The following DNAJC13 variants were observed in gnomAD, a reference collection of about 807,000 sequenced individuals.
DNAJC13 encodes the protein dnaJ homolog subfamily C member 13.
A neutral mutation model predicts 290.5 loss-of-function variants in DNAJC13; 75 were observed. The observed-to-expected ratio is 0.26, with a 90% CI of 0.21 to 0.31. The LOEUF (loss-of-function observed/expected upper bound fraction) is 0.31, where lower values mean the gene tolerates loss of function less well. DNAJC13 is among the 10% of genes least tolerant of loss of function. The pLI, the probability that DNAJC13 is intolerant of heterozygous loss-of-function variation, is 1.00. For missense variants in DNAJC13, 2,260 were observed against 2,674.5 expected (o/e 0.85, Z 3.42); for synonymous variants, 862 against 892.0 (o/e 0.97, Z 0.60).
intron 48 of DNAJC13, among the ~76,000 whole-genome samples, chr3:132,518,863 C>G (rs1021656282): frequency 4.6e-5 from 7 of 152,186 alleles, no homozygotes; most frequent in African/African-American, 1.7e-4. Context: ...TTCCTTTCCC[C>G]TAGCACCTGA....
intron 34 of DNAJC13, 121 bp from the exon 35 acceptor site, chr3:132,494,967 C>A: frequency 1.8e-6 from 1 of 557,560 alleles, no homozygotes; most frequent in African/African-American, 1.9e-5. Flanking sequence ...AATTTGAAGC[C>A]TAATATATAA....
At chr3:132,508,689 G>A (rs1371056194) in intron 43 of DNAJC13, among the ~76,000 whole-genome samples, 3 of 152,108 alleles carry the variant, frequency 2.0e-5, no homozygotes, top group African/African-American at 7.2e-5. Context: ...TCAGTACCTG[G>A]GTGACAGTCA....
Position 132,489,030 on chromosome 3 carries a change from G to A in DNAJC13, c.3468+9G>A. On this transcript the variant is annotated intron_variant, in intron 31 of 55. Coordinates refer to ENST00000260818, the MANE Select transcript of DNAJC13 (RefSeq NM_015268.4). ...CTTTCAAGTCAGAAGAGGTAAGCCA[G>A]GTTAATCCTCTGAATACTTAACCCT... The A allele has an allele frequency of 6.2e-7, 1 of 1,609,182 alleles. No individual in the cohort carries two copies. The highest frequency in any genetic ancestry group is 8.5e-7 in the Non-Finnish European group (1 of 1,176,146).
intron 1 of DNAJC13, among the ~76,000 whole-genome samples, chr3:132,419,892 CCTT>C (rs1359132046): frequency 3.3e-5 from 5 of 152,168 alleles, no homozygotes; most frequent in African/African-American, 4.8e-5. Context: ...ATTAGTAACA[CCTT>C]CTTTGCTATC....
chr3:132,529,637 A>G (rs1936355962), intron 54 of DNAJC13, among the ~76,000 whole-genome samples: 1 of 152,128 alleles, frequency 6.6e-6, no homozygotes, highest in South Asian at 2.1e-4. Context: ...AATACAAAAA[A>G]TTAGCCAGGC....
chr3:132,425,468 C>T (rs1939065797), intron 1 of DNAJC13, among the ~76,000 whole-genome samples: 1 of 152,184 alleles, frequency 6.6e-6, no homozygotes, highest in Admixed American at 6.5e-5. Context: ...TTTACATTAA[C>T]ATTTTACTGT....
intron 48 of DNAJC13, among the ~76,000 whole-genome samples, chr3:132,522,339 A>G (rs560136084): frequency 5.3e-5 from 8 of 152,360 alleles, no homozygotes; most frequent in East Asian, 1.9e-4. Flanking sequence ...CTTTCTGGAA[A>G]AAGACACAGT....
chr3:132,453,819 T>G (rs547164536), intron 8 of DNAJC13, 125 bp downstream of exon 8: 1 of 816,828 alleles, frequency 1.2e-6, no homozygotes, highest in Admixed American at 2.6e-5. Flanking sequence ...TGTATTTAAC[T>G]CTTAACATAT....
At chr3:132,534,687 A>G (rs1291998558) in intron 55 of DNAJC13, among the ~76,000 whole-genome samples, 1 of 152,228 alleles carries the variant, frequency 6.6e-6, no homozygotes, top group Non-Finnish European at 1.5e-5. Context: ...AACTATTTCA[A>G]GAATTAAAGC....
rs375912292 is a variant in DNAJC13 at position 132,467,216 on chromosome 3, C to T, written c.2111C>T (p.Ala704Val). 1.9e-6 allele frequency: 3 copies of T among 1,613,552 alleles called. No homozygotes were observed. The highest frequency in any genetic ancestry group is 2.7e-5 in the African/African-American group (2 of 74,874). ...FNKVPEWQRLAGKAAKEVEKF... is the reference protein window; with the variant it reads ...FNKVPEWQRLVGKAAKEVEKF... ...AAAGTTCCAGAGTGGCAAAGACTAG[C>T]TGGAAAAGCTGCTAAAGAAGTTGAA... Residue 704 changes from alanine to valine, a missense_variant, in exon 20 of 56, where the codon GCT (alanine) becomes GTT (valine). Transcript: ENST00000260818.
chr3:132,478,271 T>G (rs1222097310), intron 24 of DNAJC13, 131 bp downstream of exon 24: 5 of 746,288 alleles, frequency 6.7e-6, no homozygotes, highest in African/African-American at 1.8e-5. Flanking sequence ...TTTCTGTAAT[T>G]TATACTTATT....
At chr3:132,472,310 T>C (rs1453834893) in intron 20 of DNAJC13, among the ~76,000 whole-genome samples, 1 of 152,182 alleles carries the variant, frequency 6.6e-6, no homozygotes, top group Non-Finnish European at 1.5e-5. Context: ...CTTGAAATCT[T>C]CTCTTCCAGT....
chr3:132,421,778 T>G (rs886453911), intron 1 of DNAJC13, among the ~76,000 whole-genome samples: 5 of 152,066 alleles, frequency 3.3e-5, no homozygotes, highest in African/African-American at 9.7e-5. Context: ...GTCTACAGAT[T>G]TGTCACATTG....
intron 51 of DNAJC13, chr3:132,523,983 G>A (rs1287563939): frequency 3.2e-6 from 1 of 314,478 alleles, no homozygotes; most frequent in South Asian, 7.8e-5. Context: ...TGAAAAGAAG[G>A]TTTTTACTGT....
At chr3:132,515,945 G>T (rs1935907074) in intron 46 of DNAJC13, among the ~76,000 whole-genome samples, 1 of 152,088 alleles carries the variant, frequency 6.6e-6, no homozygotes, top group Non-Finnish European at 1.5e-5. Context: ...GTAGTGACTG[G>T]GTGAGAGGCA....
intron 2 of DNAJC13, among the ~76,000 whole-genome samples, chr3:132,444,000 T>G (rs1933162332): frequency 6.6e-6 from 1 of 152,186 alleles, no homozygotes; most frequent in Admixed American, 6.5e-5. Context: ...ATAGGTACAC[T>G]TTGCTCATTG....
chr3:132,493,830 G>A (rs898666359), intron 33 of DNAJC13, among the ~76,000 whole-genome samples: 7 of 151,674 alleles, frequency 4.6e-5, no homozygotes, highest in Non-Finnish European at 1.0e-4. Flanking sequence ...TCTTTCACCC[G>A]TAAAGATAAC....
intron 53 of DNAJC13, 132 bp from the exon 54 acceptor site, chr3:132,528,057 T>A (rs1936311880): frequency 2.3e-6 from 2 of 878,292 alleles, no homozygotes; most frequent in Non-Finnish European, 1.7e-6. Context: ...ATTAGATACT[T>A]AAGCCTGTGT....
chr3:132,521,354 A>G (rs1168652634), intron 48 of DNAJC13, among the ~76,000 whole-genome samples: 1 of 152,202 alleles, frequency 6.6e-6, no homozygotes, highest in Non-Finnish European at 1.5e-5. Flanking sequence ...TCGAGGTTGC[A>G]GAGTGAGACC....
Sources: gnomAD v4.1 joint callset for allele counts (sites outside exome capture counted in the v4.1 genomes callset) on GRCh38, gnomAD v4.1.1 for gene constraint, MANE v1.5 for transcripts, NCBI Gene and HGNC (gene_info 2026-07-23, HGNC 2026-07-21) for gene names.